Variants in HIKESHI observed in about 807,000 individuals in gnomAD.
HIKESHI encodes the protein heat shock protein nuclear import factor hikeshi.
In HIKESHI, 13 loss-of-function variants were observed where a neutral mutation model predicts 25.7. The ratio of observed to expected loss-of-function variants is 0.51; its 90% confidence interval spans 0.33 to 0.80. The LOEUF (loss-of-function observed/expected upper bound fraction) is 0.80, where lower values mean the gene tolerates loss of function less well. Among genes scored for constraint, HIKESHI ranks in the 30% least tolerant of loss-of-function variants. The pLI is 0.02. For missense variants in HIKESHI, 174 were observed against 229.5 expected (o/e 0.76, Z 1.56); for synonymous variants, 76 against 78.7 (o/e 0.97, Z 0.18).
intron 2 of HIKESHI, among the ~76,000 whole-genome samples, chr11:86,321,821 C>T (rs537453136): frequency 1.3e-3 from 192 of 152,212 alleles, no homozygotes; most frequent in South Asian, 2.3e-3. Flanking sequence ...CGAGTCTCCA[C>T]GCCTGGCCTT....
chr11:86,308,513 C>T (rs897642974), intron 2 of HIKESHI, among the ~76,000 whole-genome samples: 5 of 145,632 alleles, frequency 3.4e-5, no homozygotes, highest in Non-Finnish European at 7.5e-5. Context: ...ATCACCCTGC[C>T]AATGTTCTTC....
chr11:86,337,615 G>T (rs1171712029), intron 3 of HIKESHI, 85 bp downstream of exon 3: 4 of 1,315,182 alleles, frequency 3.0e-6, no homozygotes, highest in Non-Finnish European at 3.1e-6. Flanking sequence ...GTAACTTAGG[G>T]TATACAATGT....
At chr11:86,320,821 T>C (rs1947127709) in intron 2 of HIKESHI, among the ~76,000 whole-genome samples, 1 of 152,222 alleles carries the variant, frequency 6.6e-6, no homozygotes, top group Non-Finnish European at 1.5e-5. Flanking sequence ...TTCTAGAGTT[T>C]TATATAGATG....
At chr11:86,316,835 C>T (rs773168401) in intron 2 of HIKESHI, among the ~76,000 whole-genome samples, 56 of 119,402 alleles carry the variant, frequency 4.7e-4, no homozygotes, top group Non-Finnish European at 6.9e-4. Flanking sequence ...GCTCTGTTGC[C>T]CAGGCTGGAG....
chr11:86,328,944 ACACG>A (rs1947353557), intron 2 of HIKESHI, among the ~76,000 whole-genome samples: 1 of 151,448 alleles, frequency 6.6e-6, no homozygotes, highest in East Asian at 1.9e-4. Flanking sequence ...ACACACACAC[ACACG>A]CTCCTCACAT....
Position 86,337,497 on chromosome 11 carries a change from T to C in HIKESHI, c.387T>C (p.Asn129=). 3.7e-6 allele frequency: 6 copies of C among 1,613,508 alleles called. No homozygotes were observed. Among genetic ancestry groups the C allele is most frequent in the Middle Eastern group, 1.6e-4 (1 of 6,062 alleles). Residue 129 remains asparagine (N), a synonymous_variant, in exon 3 of 5, where the codon AAT becomes AAC. Transcript: ENST00000278483. ...TGGCTCAGCAGACTCCTGTAGGTAA[T>C]GCTGCTGTATCCTCAGTTGACTCAT... ...DSMAQQTPVG[N]AAVSSVDSFT...
chr11:86,341,451 T>G (rs1947727794), intron 3 of HIKESHI, among the ~76,000 whole-genome samples: 2 of 152,044 alleles, frequency 1.3e-5, no homozygotes, highest in South Asian at 4.1e-4. Flanking sequence ...CATATCAGTT[T>G]CAAATTGGTC....
Position 86,337,414 on chromosome 11 carries a change from A to G in HIKESHI, c.304A>G (p.Ile102Val). ...GSQHPFGAMN[I>V]VRTPSVAQIG... Reference sequence around the variant, plus strand: ...CCAACATCCTTTTGGAGCCATGAATATTGTCCGAACTCCATCTGTTGCTCA... The same window carrying G: ...CCAACATCCTTTTGGAGCCATGAATGTTGTCCGAACTCCATCTGTTGCTCA... The change falls in exon 3 of 5, where the codon ATT becomes GTT. Residue 102 changes from isoleucine (I) to valine (V), a missense_variant. By Grantham distance (29) the Ile-to-Val change is conservative (BLOSUM62 3). Transcript: ENST00000278483. 6.2e-7 allele frequency: 1 copy of G among 1,613,792 alleles called. No individual in the cohort carries two copies. Among genetic ancestry groups the G allele is most frequent in the Non-Finnish European group, 8.5e-7 (1 of 1,179,920 alleles).
intron 2 of HIKESHI, among the ~76,000 whole-genome samples, chr11:86,307,828 AC>A (rs1273100735): frequency 8.5e-6 from 1 of 117,998 alleles, no homozygotes; most frequent in East Asian, 2.3e-4. Flanking sequence ...TGTGTAATAT[AC>A]ATTATATAAA....
At chr11:86,311,787 A>G (rs1946842444) in intron 2 of HIKESHI, among the ~76,000 whole-genome samples, 1 of 152,162 alleles carries the variant, frequency 6.6e-6, no homozygotes, top group South Asian at 2.1e-4. Flanking sequence ...TTCAAAGAAC[A>G]TCTTTATTTC....
chr11:86,303,445 G>T (rs1195597020), intron 1 of HIKESHI: 1 of 977,328 alleles, frequency 1.0e-6, no homozygotes, highest in Non-Finnish European at 1.2e-6. Context: ...GGTGATGGTG[G>T]TAATTCATAA....
At chr11:86,342,252 A>G (rs1947750971) in intron 3 of HIKESHI, among the ~76,000 whole-genome samples, 1 of 152,168 alleles carries the variant, frequency 6.6e-6, no homozygotes, top group African/African-American at 2.4e-5. Context: ...AAAACCTAAG[A>G]TGCCTTTATG....
chr11:86,321,749 C>T (rs1009780169), intron 2 of HIKESHI, among the ~76,000 whole-genome samples: 2 of 152,084 alleles, frequency 1.3e-5, no homozygotes, highest in Admixed American at 6.6e-5. Flanking sequence ...AAGCTGGTCT[C>T]GAACTCCTGA....
At chr11:86,303,394 C>A (rs943362605) in intron 1 of HIKESHI, 1 of 983,050 alleles carries the variant, frequency 1.0e-6, no homozygotes, top group Non-Finnish European at 1.2e-6. Flanking sequence ...AGATGACTAG[C>A]CTCATAAAGT....
At chr11:86,317,679 G>A (rs1368178811) in intron 2 of HIKESHI, among the ~76,000 whole-genome samples, 2 of 151,908 alleles carry the variant, frequency 1.3e-5, no homozygotes, top group Non-Finnish European at 2.9e-5. Flanking sequence ...GGTGGTGCGC[G>A]CCTGTTGTCC....
chr11:86,307,159 G>A (rs188008906), intron 2 of HIKESHI, among the ~76,000 whole-genome samples: 7 of 102,474 alleles, frequency 6.8e-5, no homozygotes, highest in Admixed American at 4.8e-4. Context: ...TATATTATGT[G>A]TAATATACAT....
intron 2 of HIKESHI, among the ~76,000 whole-genome samples, chr11:86,325,041 T>C (rs919729218): frequency 6.6e-6 from 1 of 151,960 alleles, no homozygotes; most frequent in Non-Finnish European, 1.5e-5. Flanking sequence ...TAGCCAGGCA[T>C]GGTGGTACGT....
chr11:86,324,001 T>C (rs1947211100), intron 2 of HIKESHI: 1 of 152,226 alleles, frequency 6.6e-6, no homozygotes, highest in South Asian at 2.1e-4. Flanking sequence ...TTTATTTTTA[T>C]TTATTTTTTA....
intron 3 of HIKESHI, 144 bp from the exon 4 acceptor site, chr11:86,344,459 C>T: frequency 2.0e-6 from 1 of 511,874 alleles, no homozygotes; most frequent in Non-Finnish European, 3.4e-6. Context: ...TGAGCCACCG[C>T]ACCCAGCCAG....
Sources: gnomAD v4.1 joint callset for allele counts (sites outside exome capture counted in the v4.1 genomes callset) on GRCh38, gnomAD v4.1.1 for gene constraint, MANE v1.5 for transcripts, NCBI Gene and HGNC (gene_info 2026-07-23, HGNC 2026-07-21) for gene names.